SPATA17: variants seen among roughly 807,000 people sequenced by gnomAD.
The protein encoded by SPATA17 is spermatogenesis-associated protein 17.
Under a neutral mutation model 62.2 loss-of-function variants are expected in SPATA17, and 53 were observed. The ratio of observed to expected loss-of-function variants is 0.85; its 90% CI spans 0.68 to 1.07. The LOEUF (loss-of-function observed/expected upper bound fraction) is 1.07, where lower values mean the gene tolerates loss of function less well. Among genes scored for constraint, SPATA17 ranks in the 50% least tolerant of loss-of-function variants. The probability of loss-of-function intolerance (pLI) is 0.00; values close to 1 mark genes in which losing one functional copy is unlikely to be tolerated. For synonymous variants in SPATA17, 146 were observed against 146.8 expected (o/e 0.99, Z 0.04); for missense variants, 466 against 425.5 (o/e 1.10, Z -0.84).
intron 1 of SPATA17, among the ~76,000 whole-genome samples, chr1:217,644,239 T>A (rs1670132023): frequency 6.6e-6 from 1 of 152,162 alleles, no homozygotes; most frequent in Non-Finnish European, 1.5e-5. Flanking sequence ...ATATAAAACA[T>A]AGGTTCTAGT....
Position 217,689,531 on chromosome 1 carries a change from G to A in SPATA17, c.395+6170G>A, listed in dbSNP as rs574901684. On this transcript the variant is annotated intron_variant, in intron 5 of 10. Coordinates refer to ENST00000366933, the MANE Select transcript of SPATA17 (RefSeq NM_138796.4). The stretch of plus-strand genomic sequence containing the variant: ...GTGAGCCACCACACGATGTCTTTTT[G>A]TGTGCCGGAAATTATTCTAAATTCT... 1.1e-3 allele frequency among the ~76,000 whole-genome samples: 170 copies of A among 151,926 alleles called. 1 individual carries two copies. Among genetic ancestry groups the A allele is most frequent in the Non-Finnish European group, 2.1e-3 (146 of 67,982 alleles).
chr1:217,774,240 C>A (rs1673530789), intron 6 of SPATA17, 94 bp from the exon 7 acceptor site: 4 of 1,053,232 alleles, frequency 3.8e-6, no homozygotes, highest in Non-Finnish European at 5.5e-6. Context: ...TTAAAATATT[C>A]TTTAAACATA....
chr1:217,814,499 GA>G (rs1674667774), intron 9 of SPATA17, among the ~76,000 whole-genome samples: 1 of 152,072 alleles, frequency 6.6e-6, no homozygotes. Flanking sequence ...TTTCTTTCTG[GA>G]AGTTTTTAGT....
chr1:217,774,240 C>G, intron 6 of SPATA17, 94 bp from the exon 7 acceptor site: 1 of 1,053,232 alleles, frequency 9.5e-7, no homozygotes, highest in Non-Finnish European at 1.4e-6. Flanking sequence ...TTAAAATATT[C>G]TTTAAACATA....
intron 5 of SPATA17, among the ~76,000 whole-genome samples, chr1:217,717,920 G>T (rs557675064): frequency 9.9e-5 from 15 of 152,226 alleles, no homozygotes; most frequent in African/African-American, 3.6e-4. Flanking sequence ...CTGTAATTTG[G>T]CATCTTAAAA....
chr1:217,803,240 A>G (rs1226355799), intron 9 of SPATA17, among the ~76,000 whole-genome samples: 2 of 152,144 alleles, frequency 1.3e-5, no homozygotes, highest in African/African-American at 4.8e-5. Flanking sequence ...TGAGGCATTC[A>G]GTATAGTACT....
chr1:217,670,033 A>G (rs1670797801), intron 4 of SPATA17, among the ~76,000 whole-genome samples: 1 of 152,134 alleles, frequency 6.6e-6, no homozygotes, highest in Non-Finnish European at 1.5e-5. Flanking sequence ...GCTTTTCTTG[A>G]GCCAGAGGCA....
chr1:217,686,648 C>T (rs1571730876), intron 5 of SPATA17, among the ~76,000 whole-genome samples: 3 of 152,236 alleles, frequency 2.0e-5, no homozygotes, highest in Admixed American at 1.3e-4. Flanking sequence ...ACTGAAAATA[C>T]AGATAATGTA....
At chr1:217,650,030 C>T (rs1670274488) in intron 2 of SPATA17, among the ~76,000 whole-genome samples, 1 of 151,396 alleles carries the variant, frequency 6.6e-6, no homozygotes, top group African/African-American at 2.4e-5. Context: ...ACCTCCGCCT[C>T]CCAGATTCAA....
intron 6 of SPATA17, among the ~76,000 whole-genome samples, chr1:217,755,664 A>G (rs901294404): frequency 2.0e-5 from 3 of 151,950 alleles, no homozygotes; most frequent in Non-Finnish European, 4.4e-5. Context: ...ATATGTATGC[A>G]TATAATTTCT....
chr1:217,709,940 G>A (rs1671819376), intron 5 of SPATA17, among the ~76,000 whole-genome samples: 1 of 152,144 alleles, frequency 6.6e-6, no homozygotes, highest in Non-Finnish European at 1.5e-5. Context: ...GAGTTTCAAA[G>A]AGAATATGAA....
chr1:217,639,642 A>G (rs1017897809), intron 1 of SPATA17, among the ~76,000 whole-genome samples: 1 of 152,200 alleles, frequency 6.6e-6, no homozygotes. Context: ...ATTAAGCTGG[A>G]AGAATGCGAT....
At chr1:217,641,153 G>A (rs1355247331) in intron 1 of SPATA17, among the ~76,000 whole-genome samples, 5 of 152,100 alleles carry the variant, frequency 3.3e-5, no homozygotes, top group Middle Eastern at 3.2e-3. Flanking sequence ...TCCTCTGACC[G>A]TGAAGGACTA....
chr1:217,826,574 C>A (rs1675006366), intron 9 of SPATA17, among the ~76,000 whole-genome samples: 1 of 151,868 alleles, frequency 6.6e-6, no homozygotes, highest in Admixed American at 6.6e-5. Flanking sequence ...ATTCCATTAA[C>A]TAATATATCC....
chr1:217,660,354 A>G (rs1261516567), intron 3 of SPATA17, among the ~76,000 whole-genome samples: 1 of 152,160 alleles, frequency 6.6e-6, no homozygotes, highest in Admixed American at 6.5e-5. Context: ...TGATGAGTCT[A>G]ATTATATCTC....
At chr1:217,712,836 G>A (rs1340409197) in intron 5 of SPATA17, among the ~76,000 whole-genome samples, 1 of 152,094 alleles carries the variant, frequency 6.6e-6, no homozygotes, top group African/African-American at 2.4e-5. Context: ...GGCATCCAGA[G>A]ACCAGCAGCA....
intron 5 of SPATA17, among the ~76,000 whole-genome samples, chr1:217,685,881 C>T (rs1400037362): frequency 2.0e-5 from 3 of 151,992 alleles, no homozygotes; most frequent in East Asian, 1.9e-4. Context: ...AAAGAGTGAG[C>T]GAGAACACCC....
chr1:217,704,486 A>G lies in SPATA17; in HGVS notation c.395+21125A>G, dbSNP rs912082814. ...AGGATGGTCTCGATCTCCTGACCTC[A>G]TGATCCACCCGCCTCGGCCTCCCAA... On this transcript the variant is annotated intron_variant, in intron 5 of 10. Transcript: ENST00000366933. Among the ~76,000 whole-genome samples, 4 of 149,666 alleles carry G rather than the reference A, an allele frequency of 2.7e-5. 1 individual carries two copies. Among genetic ancestry groups the G allele is most frequent in the Admixed American group, 6.6e-5 (1 of 15,058 alleles).
chr1:217,813,064 C>A (rs1674632358), intron 9 of SPATA17, among the ~76,000 whole-genome samples: 1 of 152,148 alleles, frequency 6.6e-6, no homozygotes, highest in South Asian at 2.1e-4. Flanking sequence ...TAAAAATATC[C>A]AGTACTCTAA....
Sources: gnomAD v4.1 joint callset for allele counts (sites outside exome capture counted in the v4.1 genomes callset) on GRCh38, gnomAD v4.1.1 for gene constraint, MANE v1.5 for transcripts, NCBI Gene and HGNC (gene_info 2026-07-23, HGNC 2026-07-21) for gene names.